Variants in NUP133 observed in about 807,000 individuals in gnomAD.
NUP133 encodes the protein nucleoporin 133.
A neutral mutation model predicts 146.2 loss-of-function variants in NUP133; 66 were observed. The observed-to-expected ratio is 0.45, with a 90% CI of 0.37 to 0.55. The LOEUF (loss-of-function observed/expected upper bound fraction) is 0.55. Ranked by LOEUF, NUP133 falls within the 20% of genes least tolerant of loss-of-function variation. NUP133 has a pLI of 0.00. For synonymous variants in NUP133, 521 were observed against 498.8 expected, an observed-to-expected ratio of 1.04 and a Z score of -0.59; for missense variants, 1,277 against 1,374.8, an observed-to-expected ratio of 0.93 and a Z score of 1.12.
chr1:229,483,037 A>C (rs1661255907), intron 12 of NUP133, among the ~76,000 whole-genome samples: 1 of 152,212 alleles, frequency 6.6e-6, no homozygotes, highest in African/African-American at 2.4e-5. Context: ...GCTATGTTAA[A>C]TGAGTCACTA....
chr1:229,496,513 G>A (rs1661660848), intron 6 of NUP133, among the ~76,000 whole-genome samples: 1 of 152,196 alleles, frequency 6.6e-6, no homozygotes, highest in Admixed American at 6.5e-5. Flanking sequence ...GAGTGATCCT[G>A]AAATAGAGCT....
rs1381779439 is a variant in NUP133 at position 229,460,686 on chromosome 1, T to C, written c.2769A>G (p.Gly923=). 1 of 1,614,114 alleles carries C rather than the reference T, an allele frequency of 6.2e-7. No individual in the cohort carries two copies. The change falls in exon 20 of 26, where the codon GGA becomes GGG. Residue 923 remains glycine (G), a synonymous_variant. Coordinates refer to ENST00000261396, the MANE Select transcript of NUP133 (RefSeq NM_018230.3). ...GAGCTTGCAAAAAATTTGCCAACTG[T>C]CCATGCTGAGAAATGGGCTGAGATA... ...KLLSQPISQH[G]QLANFLQAHE...
chr1:229,481,698 CA>C (rs35036625), intron 12 of NUP133, among the ~76,000 whole-genome samples: 623 of 101,662 alleles, frequency 6.1e-3, no homozygotes, highest in African/African-American at 0.015. Context: ...GACTCTGTCT[CA>C]AAAAAAAAAA....
At chr1:229,494,773 A>T (rs758570483) in intron 8 of NUP133, among the ~76,000 whole-genome samples, 14 of 152,192 alleles carry the variant, frequency 9.2e-5, no homozygotes, top group Admixed American at 2.6e-4. Context: ...CAGCATAGCC[A>T]CAAACATAGG....
intron 2 of NUP133, among the ~76,000 whole-genome samples, chr1:229,504,436 G>C (rs1269551602): frequency 6.6e-6 from 1 of 152,136 alleles, no homozygotes; most frequent in African/African-American, 2.4e-5. Context: ...TGCTCTTCCA[G>C]TGTCATCCAA....
rs1057225892 is a variant in NUP133 at position 229,441,624 on chromosome 1, A to G, written c.*280T>C. The G allele has an allele frequency of 2.6e-6, 1 of 378,328 alleles. No homozygotes were observed. Among genetic ancestry groups the G allele is most frequent in the East Asian group, 6.4e-5 (1 of 15,730 alleles). The allele number at this position is 378,328 out of a possible 1,614,324, so 23.4% of individuals were successfully genotyped here. A position where few individuals can be genotyped will look rare whatever the true frequency, so the allele number is the denominator to read the frequency against. ...GTACATGTGAGCAGCTAGAACCAGG[A>G]CAAGAACTCCAGAACCTGGGACCAC... On this transcript the variant is annotated 3_prime_UTR_variant, in exon 26 of 26. Coordinates refer to ENST00000261396, the MANE Select transcript of NUP133 (RefSeq NM_018230.3).
chr1:229,462,342 G>T (rs1660711869), intron 19 of NUP133, among the ~76,000 whole-genome samples: 1 of 152,230 alleles, frequency 6.6e-6, no homozygotes, highest in African/African-American at 2.4e-5. Flanking sequence ...ATAATACATA[G>T]AGTGGAAAGA....
At chr1:229,495,192 C>A (rs1473039741) in intron 8 of NUP133, among the ~76,000 whole-genome samples, 32 of 152,052 alleles carry the variant, frequency 2.1e-4, no homozygotes, top group Admixed American at 2.1e-3. Flanking sequence ...AGTTCAAGAC[C>A]AATCTGGGCA....
chr1:229,487,390 T>A (rs4925493), intron 10 of NUP133, 76 bp downstream of exon 10: 2 of 1,395,234 alleles, frequency 1.4e-6, no homozygotes, highest in African/African-American at 1.5e-5. Context: ...TGAAGTGACA[T>A]TCAGGGAAAG....
chr1:229,462,277 A>G (rs1660710266), intron 19 of NUP133, among the ~76,000 whole-genome samples: 1 of 152,256 alleles, frequency 6.6e-6, no homozygotes, highest in East Asian at 1.9e-4. Flanking sequence ...AATGACATGA[A>G]CAAATGTTTG....
At position 229,486,358 on chromosome 1, in the gene NUP133, C is replaced by G; in HGVS notation, c.1500+13G>C. On this transcript the variant is annotated intron_variant, in intron 11 of 25. Transcript: ENST00000261396. ...TAACATAAAAACTTCAAATTCTTAT[C>G]GAATCACATTACCTCACTGTTTGGT... is the stretch of plus-strand genomic sequence containing the variant. 1 of 1,549,832 alleles carries G rather than the reference C, an allele frequency of 6.5e-7. No homozygotes were observed. The highest frequency in any genetic ancestry group is 8.6e-7 in the Non-Finnish European group (1 of 1,161,292).
intron 7 of NUP133, 134 bp from the exon 8 acceptor site, chr1:229,495,699 T>C: frequency 1.2e-6 from 1 of 862,098 alleles, no homozygotes; most frequent in Non-Finnish European, 1.7e-6. Flanking sequence ...AAAAAAAAAA[T>C]CGCTAAGCAA....
At chr1:229,465,232 A>G (rs576966514) in intron 17 of NUP133, among the ~76,000 whole-genome samples, 188 bp downstream of exon 17, 1 of 152,244 alleles carries the variant, frequency 6.6e-6, no homozygotes, top group Non-Finnish European at 1.5e-5. Context: ...TTGAATACAT[A>G]AATTATAGAG....
rs78022241 is a variant in NUP133, at chr1:229,506,092, C to T, written c.249G>A (p.Thr83=). 538 of 1,613,404 alleles carry T rather than the reference C, an allele frequency of 3.3e-4. No homozygotes were observed. The East Asian group carries it at 8.3e-3, about 25-fold the overall frequency. The change falls in exon 2 of 26, where the codon ACG becomes ACA. Residue 83 remains threonine, a synonymous_variant. Transcript: ENST00000261396. The part of the protein sequence containing the change: ...ITESVNYDVK[T]FGSSLPVKVM... ...CTTTAACAGGAAGAGAAGATCCAAA[C>T]GTTTTCACATCATAGTTCACAGACT...
chr1:229,488,957 T>G (rs1273929941), intron 9 of NUP133, among the ~76,000 whole-genome samples: 1 of 152,226 alleles, frequency 6.6e-6, no homozygotes, highest in Non-Finnish European at 1.5e-5. Context: ...TTATTAAACA[T>G]GTTTAATTGC....
At chr1:229,452,396 C>A in intron 22 of NUP133, 129 bp downstream of exon 22, 1 of 595,886 alleles carries the variant, frequency 1.7e-6, no homozygotes. Context: ...CAACGTTTTT[C>A]TAGGGGAGTT....
intron 8 of NUP133, among the ~76,000 whole-genome samples, chr1:229,491,188 T>C (rs1403838941): frequency 6.6e-6 from 1 of 152,142 alleles, no homozygotes; most frequent in Non-Finnish European, 1.5e-5. Context: ...CTAGGGATGT[T>C]TCATGATACC....
intron 9 of NUP133, 150 bp downstream of exon 9, chr1:229,489,805 G>A (rs1661462576): frequency 1.8e-6 from 1 of 554,634 alleles, no homozygotes; most frequent in Non-Finnish European, 2.8e-6. Flanking sequence ...TGGAAGGGGA[G>A]ACAGAGGTTG....
intron 12 of NUP133, among the ~76,000 whole-genome samples, chr1:229,483,021 T>C (rs1056405554): frequency 1.3e-5 from 2 of 152,204 alleles, no homozygotes; most frequent in African/African-American, 4.8e-5. Context: ...AACTGCAGAA[T>C]TGTCAGCTAT....
Sources: gnomAD v4.1 joint callset for allele counts (sites outside exome capture counted in the v4.1 genomes callset) on GRCh38, gnomAD v4.1.1 for gene constraint, MANE v1.5 for transcripts, NCBI Gene and HGNC (gene_info 2026-07-23, HGNC 2026-07-21) for gene names.